The following OTC variants were observed in gnomAD, a reference collection of about 807,000 sequenced individuals.
OTC encodes ornithine transcarbamylase, also known as ornithine transcarbamylase, mitochondrial.
A neutral mutation model predicts 30.3 loss-of-function variants in OTC; 3 were observed. The ratio of observed to expected loss-of-function variants is 0.10; its 90% confidence interval spans 0.05 to 0.26. The LOEUF (loss-of-function observed/expected upper bound fraction) is 0.26, where lower values mean the gene tolerates loss of function less well. Among genes scored for constraint, OTC ranks in the 10% least tolerant of loss-of-function variants. OTC has a pLI of 1.00. For synonymous variants in OTC, 111 were observed against 99.7 expected (o/e 1.11, Z -0.67); for missense variants, 194 against 260.3 (o/e 0.75, Z 1.75).
the OTC span, among the ~76,000 whole-genome samples, chrX:38,341,026 G>A: frequency 9.0e-6 from 1 of 111,625 alleles, no homozygotes; most frequent in East Asian, 2.8e-4. Flanking sequence ...TTGAACTCCT[G>A]ACCTCAAGTG....
intron 8 of OTC, among the ~76,000 whole-genome samples, chrX:38,409,278 C>T (rs1169182531): frequency 1.8e-5 from 2 of 111,578 alleles, no homozygotes; most frequent in Non-Finnish European, 3.8e-5. Context: ...TCACAAGAAT[C>T]GAGGCATTGC....
intron 3 of OTC, among the ~76,000 whole-genome samples, chrX:38,371,558 T>C (rs2068323185): frequency 8.9e-6 from 1 of 111,948 alleles, no homozygotes. Flanking sequence ...GATTTTTACC[T>C]TGCAATGATT....
chrX:38,421,631 TACTGTGCCCAAACTCCA>T (rs1244464681), downstream of OTC, among the ~76,000 whole-genome samples: 1 of 111,611 alleles, frequency 9.0e-6, no homozygotes, highest in African/African-American at 3.3e-5. Context: ...ATATAGCTAT[TACTGTGCCCAAACTCCA>T]AAGTTTTTTC....
upstream of OTC, among the ~76,000 whole-genome samples, chrX:38,350,378 A>G (rs1371181481): frequency 8.9e-6 from 1 of 112,025 alleles, no homozygotes; most frequent in Non-Finnish European, 1.9e-5. Context: ...AAATGGATGA[A>G]TGAAAGGCTA....
intron 4 of OTC, among the ~76,000 whole-genome samples, chrX:38,384,598 CATTT>C (rs998006676): frequency 1.2e-4 from 13 of 112,000 alleles, no homozygotes; most frequent in African/African-American, 4.2e-4. Flanking sequence ...AGAAGTTTAA[CATTT>C]TAAGGTGCAA....
chrX:38,405,767 A>C (rs759728502), intron 6 of OTC, among the ~76,000 whole-genome samples: 6 of 111,968 alleles, frequency 5.4e-5, no homozygotes, highest in Non-Finnish European at 9.4e-5. Flanking sequence ...TAAGGGTCAG[A>C]TCCGATATGT....
At chrX:38,383,815 C>CAAAAAAAAAAAAAAGAA (rs2068388828) in intron 4 of OTC, among the ~76,000 whole-genome samples, 1 of 65,257 alleles carries the variant, frequency 1.5e-5, no homozygotes. Context: ...AAAGAAAAGA[C>CAAAAAAAAAAAAAAGAA]AAAAAAAAAA....
chrX:38,375,114 A>T (rs541362499), intron 3 of OTC, among the ~76,000 whole-genome samples: 1 of 111,925 alleles, frequency 8.9e-6, no homozygotes, highest in Non-Finnish European at 1.9e-5. Context: ...CGGGAGTGAT[A>T]CCTCAGTAGA....
intron 1 of OTC, among the ~76,000 whole-genome samples, chrX:38,354,672 A>C (rs770967364): frequency 1.0e-3 from 113 of 111,499 alleles, no homozygotes; most frequent in Non-Finnish European, 1.9e-3. Flanking sequence ...GCCCAAATCC[A>C]AACTTTCTAT....
chrX:38,370,980 C>T (rs756823286), intron 3 of OTC, among the ~76,000 whole-genome samples: 1 of 111,333 alleles, frequency 9.0e-6, no homozygotes, highest in East Asian at 2.8e-4. Flanking sequence ...CATTTACTGC[C>T]TTCTAGAGGT....
In OTC at chrX:38,381,355, G is replaced by A. The variant is rs1201362570; in HGVS notation, c.312G>A (p.Leu104=). 1.7e-6 allele frequency: 2 copies of A among 1,186,986 alleles called. No homozygotes were observed. Among genetic ancestry groups the A allele is most frequent in the South Asian group, 1.8e-5 (1 of 55,847 alleles). The change falls in exon 4 of 10, where the codon CTG becomes CTA. Residue 104 remains leucine, a synonymous_variant. Coordinates refer to ENST00000039007, the MANE Select transcript of OTC (RefSeq NM_000531.6). The stretch of plus-strand genomic sequence containing the variant: ...TTTTTATTGTAGGCTTTGCACTTCT[G>A]GGAGGACATCCTTGTTTTCTTACCA... The part of the protein sequence containing the change: ...RLSTETGFAL[L]GGHPCFLTTQ...
the OTC span, among the ~76,000 whole-genome samples, chrX:38,329,138 C>G: frequency 9.0e-6 from 1 of 111,270 alleles, no homozygotes; most frequent in Non-Finnish European, 1.9e-5. Context: ...GCTAAGCATC[C>G]CAGAAGATAT....
chrX:38,344,895 T>TAA, the OTC span, among the ~76,000 whole-genome samples: 2 of 95,642 alleles, frequency 2.1e-5, no homozygotes, highest in Admixed American at 2.3e-4. Context: ...ACAATTCAAG[T>TAA]AAAAAAAAAA....
At chrX:38,386,591 A>G (rs1049093155) in intron 4 of OTC, among the ~76,000 whole-genome samples, 64 of 110,809 alleles carry the variant, frequency 5.8e-4, no homozygotes, top group African/African-American at 1.8e-3. Context: ...CACTTAGCAT[A>G]ATGTTCTCCG....
intron 4 of OTC, among the ~76,000 whole-genome samples, chrX:38,383,158 C>G (rs2068384096): frequency 9.1e-6 from 1 of 110,494 alleles, no homozygotes; most frequent in African/African-American, 3.3e-5. Flanking sequence ...TATTATAGTT[C>G]CATTGCTACA....
chrX:38,382,045 T>C (rs1208756188), intron 4 of OTC, among the ~76,000 whole-genome samples: 2 of 112,062 alleles, frequency 1.8e-5, no homozygotes, highest in Non-Finnish European at 3.8e-5. Context: ...GATTCTACCA[T>C]CTTCAACATG....
upstream of OTC, among the ~76,000 whole-genome samples, chrX:38,350,955 G>GT (rs1225588083): frequency 2.7e-5 from 3 of 111,901 alleles, no homozygotes; most frequent in African/African-American, 9.7e-5. Flanking sequence ...TTTCACTCCT[G>GT]TATTATGTGG....
intron 8 of OTC, among the ~76,000 whole-genome samples, chrX:38,411,223 C>T (rs1602034147): frequency 9.1e-6 from 1 of 110,241 alleles, no homozygotes; most frequent in African/African-American, 3.3e-5. Context: ...ATATAGTGGA[C>T]TATAATTGGT....
At chrX:38,377,617 C>A (rs887779962) in intron 3 of OTC, among the ~76,000 whole-genome samples, 2 of 112,166 alleles carry the variant, frequency 1.8e-5, no homozygotes, top group Admixed American at 9.4e-5. Context: ...CCTATCAACT[C>A]TCACCCAGAT....
Sources: gnomAD v4.1 joint callset for allele counts (sites outside exome capture counted in the v4.1 genomes callset) on GRCh38, gnomAD v4.1.1 for gene constraint, MANE v1.5 for transcripts, NCBI Gene and HGNC (gene_info 2026-07-23, HGNC 2026-07-21) for gene names.